DAP: variants seen among roughly 807,000 people sequenced by gnomAD.
The protein encoded by DAP is death associated protein.
A neutral mutation model predicts 13.8 loss-of-function variants in DAP; 8 were observed. The observed-to-expected ratio is 0.58, with a 90% CI of 0.34 to 1.05. The LOEUF (loss-of-function observed/expected upper bound fraction) is 1.05, where lower values mean the gene tolerates loss of function less well. Ranked by LOEUF, DAP falls within the 50% of genes least tolerant of loss-of-function variation. The probability of loss-of-function intolerance (pLI) is 0.03; values close to 1 mark genes in which losing one functional copy is unlikely to be tolerated. For synonymous variants in DAP, 47 were observed against 47.5 expected (o/e 0.99, Z 0.04); for missense variants, 106 against 133.2 (o/e 0.80, Z 1.01).
chr5:10,736,696 G>A (rs1291380098), intron 2 of DAP, among the ~76,000 whole-genome samples: 1 of 152,188 alleles, frequency 6.6e-6, no homozygotes, highest in Non-Finnish European at 1.5e-5. Context: ...GTCTCAGTCT[G>A]ACAAACCTGA....
At chr5:10,706,188 T>C (rs1474740663) in intron 2 of DAP, among the ~76,000 whole-genome samples, 3 of 152,206 alleles carry the variant, frequency 2.0e-5, no homozygotes, top group Non-Finnish European at 4.4e-5. Context: ...TAGTTCTAGG[T>C]GCTTGACTAT....
Position 10,761,230 on chromosome 5 carries a change from C to T in DAP, c.-162G>A. ...CGCGCGAGCCGGGTGAGTGCCACTG[C>T]CGTTAAGGGGGCGCGGCCGCCGCGC... On this transcript the variant is annotated 5_prime_UTR_variant, in exon 1 of 4. Transcript: ENST00000230895. The T allele has an allele frequency of 1.8e-5, 4 of 225,506 alleles. No individual in the cohort carries two copies. The highest frequency in any genetic ancestry group is 3.3e-5 in the Non-Finnish European group (4 of 121,168). The allele number at this position is 225,506 out of a possible 1,614,324, so 14.0% of individuals were successfully genotyped here. A position where few individuals can be genotyped will look rare whatever the true frequency, so the allele number is the denominator to read the frequency against.
Position 10,739,787 on chromosome 5 carries a change from TCACA to T in DAP, c.152+8384_152+8387del, listed in dbSNP as rs35309839. ...GTTCAACTATAAATACTAAATTAAC[TCACA>T]CACACACACACACACACACACACAC... On this transcript the variant is annotated intron_variant, in intron 2 of 3. Coordinates refer to ENST00000230895, the MANE Select transcript of DAP (RefSeq NM_004394.3). Among the ~76,000 whole-genome samples, 967 of 148,308 alleles carry T rather than the reference TCACA, an allele frequency of 6.5e-3. 5 individuals carry two copies. The highest frequency in any genetic ancestry group is 0.015 in the African/African-American group (613 of 40,420).
At chr5:10,700,793 G>C (rs1430388011) in intron 2 of DAP, among the ~76,000 whole-genome samples, 3 of 152,232 alleles carry the variant, frequency 2.0e-5, no homozygotes, top group Non-Finnish European at 2.9e-5. Context: ...AGGCTGACTT[G>C]ACCTGCTTTG....
chr5:10,752,772 G>GA (rs1335555060), intron 1 of DAP, among the ~76,000 whole-genome samples: 2 of 152,168 alleles, frequency 1.3e-5, no homozygotes, highest in Non-Finnish European at 2.9e-5. Context: ...CACCTATGAA[G>GA]AAAGAGTGAA....
chr5:10,694,244 GT>G (rs1358969941), intron 2 of DAP, among the ~76,000 whole-genome samples: 2 of 152,200 alleles, frequency 1.3e-5, no homozygotes, highest in African/African-American at 4.8e-5. Context: ...GGGCTAGAGT[GT>G]TGGATGATCC....
chr5:10,741,152 A>C (rs1739743003), intron 2 of DAP, among the ~76,000 whole-genome samples: 1 of 151,936 alleles, frequency 6.6e-6, no homozygotes, highest in African/African-American at 2.4e-5. Flanking sequence ...AGAGTTTGAG[A>C]CCAGCCTGGG....
chr5:10,750,800 A>AT (rs1381155104), intron 1 of DAP, among the ~76,000 whole-genome samples: 1 of 152,150 alleles, frequency 6.6e-6, no homozygotes, highest in African/African-American at 2.4e-5. Context: ...TGGAGGAGGA[A>AT]TCTGTCTTCA....
intron 2 of DAP, among the ~76,000 whole-genome samples, chr5:10,732,964 C>G (rs1477031937): frequency 6.6e-6 from 1 of 152,128 alleles, no homozygotes; most frequent in Non-Finnish European, 1.5e-5. Flanking sequence ...TTTCCCTTTC[C>G]CCCAGTCCCT....
Position 10,680,773 on chromosome 5 carries a change from T to A in DAP, c.*283A>T. 6.5e-7 allele frequency: 1 copy of A among 1,536,614 alleles called. No individual in the cohort carries two copies. Among genetic ancestry groups the A allele is most frequent in the Admixed American group, 2.0e-5 (1 of 51,014 alleles). On this transcript the variant is annotated 3_prime_UTR_variant, in exon 4 of 4. Transcript: ENST00000230895. Reference sequence around the variant, plus strand: ...CGTCAGGTGACTGCTGAAATAGAACTAAAGCTAAAATTTTTCTCGGATCTT... The same window carrying A: ...CGTCAGGTGACTGCTGAAATAGAACAAAAGCTAAAATTTTTCTCGGATCTT...
intron 2 of DAP, among the ~76,000 whole-genome samples, chr5:10,689,154 ATG>A: frequency 6.6e-6 from 1 of 152,168 alleles, no homozygotes; most frequent in Non-Finnish European, 1.5e-5. Context: ...ATATGAGATC[ATG>A]ACAGCTCTGC....
At chr5:10,748,370 A>G in intron 1 of DAP, 99 bp from the exon 2 acceptor site, 1 of 887,222 alleles carries the variant, frequency 1.1e-6, no homozygotes, top group Non-Finnish European at 1.9e-6. Context: ...AGTGGCCACA[A>G]GTCAGTCTGG....
chr5:10,690,831 G>GTGTT (rs1380603603), intron 2 of DAP, among the ~76,000 whole-genome samples: 1 of 152,202 alleles, frequency 6.6e-6, no homozygotes, highest in Admixed American at 6.5e-5. Context: ...TGGTAATTCT[G>GTGTT]TGTTTAACTT....
chr5:10,693,730 T>C (rs1415751573), intron 2 of DAP, among the ~76,000 whole-genome samples: 1 of 150,440 alleles, frequency 6.6e-6, no homozygotes, highest in African/African-American at 2.5e-5. Context: ...TTGTCTTCTG[T>C]ATATGATTTA....
At chr5:10,745,002 GA>G (rs1339509647) in intron 2 of DAP, among the ~76,000 whole-genome samples, 1 of 152,202 alleles carries the variant, frequency 6.6e-6, no homozygotes, top group Non-Finnish European at 1.5e-5. Flanking sequence ...CTGAGATAGG[GA>G]TGATAACAAA....
chr5:10,699,339 C>T (rs1310142386), intron 2 of DAP, among the ~76,000 whole-genome samples: 3 of 152,208 alleles, frequency 2.0e-5, no homozygotes, highest in Admixed American at 6.5e-5. Context: ...AGCTTGTCTC[C>T]GCTTCTTATC....
chr5:10,680,526 C>T lies in DAP; in HGVS notation c.*530G>A. 1 of 601,226 alleles carries T rather than the reference C, an allele frequency of 1.7e-6. No homozygotes were observed. 37.2% of individuals were successfully genotyped at this position (601,226 alleles called of 1,614,324 possible). ...GGTGCCTCATCAGCCTGCACAGGATCCCCCATCTCACGAGAGAGGGAAATT... is the reference window on the plus strand; with the variant it reads ...GGTGCCTCATCAGCCTGCACAGGATTCCCCATCTCACGAGAGAGGGAAATT... On this transcript the variant is annotated 3_prime_UTR_variant, in exon 4 of 4. Coordinates refer to ENST00000230895, the MANE Select transcript of DAP (RefSeq NM_004394.3).
chr5:10,709,716 C>T (rs570490184), intron 2 of DAP, among the ~76,000 whole-genome samples: 1 of 152,216 alleles, frequency 6.6e-6, no homozygotes, highest in African/African-American at 2.4e-5. Flanking sequence ...GCTTGGAACT[C>T]TGCTGCACAG....
intron 2 of DAP, among the ~76,000 whole-genome samples, chr5:10,733,374 T>A (rs1017904436): frequency 1.3e-5 from 2 of 152,204 alleles, no homozygotes; most frequent in African/African-American, 4.8e-5. Flanking sequence ...GGACGAGGGC[T>A]AATTTTTAAC....
Sources: gnomAD v4.1 joint callset for allele counts (sites outside exome capture counted in the v4.1 genomes callset) on GRCh38, gnomAD v4.1.1 for gene constraint, MANE v1.5 for transcripts, NCBI Gene and HGNC (gene_info 2026-07-23, HGNC 2026-07-21) for gene names.